Variants in BMPR1B observed in about 807,000 individuals in gnomAD.
The protein encoded by BMPR1B is bone morphogenetic protein receptor type 1B.
Under a neutral mutation model 59.1 loss-of-function variants are expected in BMPR1B, and 12 were observed. The observed-to-expected ratio is 0.20, with a 90% CI of 0.13 to 0.33. BMPR1B has a LOEUF of 0.33. Among genes scored for constraint, BMPR1B ranks in the 10% least tolerant of loss-of-function variants. The pLI, the probability that BMPR1B is intolerant of heterozygous loss-of-function variation, is 1.00. For synonymous variants in BMPR1B, 237 were observed against 207.3 expected, an observed-to-expected ratio of 1.14 and a Z score of -1.23; for missense variants, 550 against 610.9, an observed-to-expected ratio of 0.90 and a Z score of 1.05.
intron 1 of BMPR1B, among the ~76,000 whole-genome samples, chr4:94,814,367 ATT>A (rs1237573585): frequency 1.3e-5 from 2 of 152,228 alleles, no homozygotes; most frequent in South Asian, 2.1e-4. Flanking sequence ...TGACATAAAC[ATT>A]ATGCTTACTA....
intron 3 of BMPR1B, among the ~76,000 whole-genome samples, chr4:95,040,799 A>C (rs1162861958): frequency 6.6e-6 from 1 of 152,202 alleles, no homozygotes; most frequent in South Asian, 2.1e-4. Context: ...TCTTCTAGAA[A>C]GTTCTCTTGG....
At chr4:94,782,371 TC>T (rs1722623475) in intron 1 of BMPR1B, among the ~76,000 whole-genome samples, 1 of 151,808 alleles carries the variant, frequency 6.6e-6, no homozygotes, top group Admixed American at 6.6e-5. Context: ...AGTGGTGCAA[TC>T]TTGGCTCACT....
At chr4:94,966,833 G>C (rs1411874002) in intron 2 of BMPR1B, among the ~76,000 whole-genome samples, 3 of 152,048 alleles carry the variant, frequency 2.0e-5, no homozygotes, top group Admixed American at 6.6e-5. Context: ...TGAAATTGTT[G>C]ACAAGTGCTT....
intron 3 of BMPR1B, among the ~76,000 whole-genome samples, chr4:95,087,970 GATAA>G (rs1341666335): frequency 1.3e-5 from 2 of 152,014 alleles, no homozygotes; most frequent in Non-Finnish European, 2.9e-5. Flanking sequence ...CAATAACTTT[GATAA>G]ATAAGCCGAT....
intron 6 of BMPR1B, among the ~76,000 whole-genome samples, chr4:95,122,807 A>T (rs1290117779): frequency 6.6e-6 from 1 of 152,174 alleles, no homozygotes; most frequent in Non-Finnish European, 1.5e-5. Flanking sequence ...TTAAAGGTAT[A>T]TAGTACAGTT....
At chr4:94,956,692 A>C (rs1730153129) in intron 2 of BMPR1B, among the ~76,000 whole-genome samples, 3 of 152,220 alleles carry the variant, frequency 2.0e-5, no homozygotes, top group Admixed American at 6.5e-5. Flanking sequence ...TGCTCTTATC[A>C]TACTTTATAA....
At chr4:94,853,367 A>G (rs1725634890) in intron 1 of BMPR1B, among the ~76,000 whole-genome samples, 1 of 152,160 alleles carries the variant, frequency 6.6e-6, no homozygotes, top group Non-Finnish European at 1.5e-5. Context: ...ACTTAAGTGA[A>G]TTTTACTTTA....
intron 1 of BMPR1B, among the ~76,000 whole-genome samples, chr4:94,855,884 G>A (rs1319316): frequency 0.61 from 92,516 of 152,036 alleles, 29,020 homozygotes; most frequent in African/African-American, 0.76. Flanking sequence ...TTAAATCTCA[G>A]TAATTTATTG....
At chr4:94,915,560 A>G (rs916437162) in intron 2 of BMPR1B, among the ~76,000 whole-genome samples, 4 of 152,206 alleles carry the variant, frequency 2.6e-5, no homozygotes, top group African/African-American at 9.6e-5. Context: ...TCTTTTCTGT[A>G]ATAATACTTC....
intron 1 of BMPR1B, among the ~76,000 whole-genome samples, chr4:94,801,030 G>C (rs1461608933): frequency 6.6e-6 from 1 of 152,164 alleles, no homozygotes; most frequent in Admixed American, 6.5e-5. Flanking sequence ...AGCATGCTTA[G>C]GACAGAGGGT....
At chr4:94,860,651 G>GA (rs1158199164) in intron 1 of BMPR1B, among the ~76,000 whole-genome samples, 1 of 151,880 alleles carries the variant, frequency 6.6e-6, no homozygotes, top group Non-Finnish European at 1.5e-5. Context: ...TTTAGTTTTT[G>GA]TAGGAGTTTG....
intron 1 of BMPR1B, among the ~76,000 whole-genome samples, chr4:94,815,152 G>A (rs941976666): frequency 1.2e-4 from 19 of 152,088 alleles, no homozygotes; most frequent in Non-Finnish European, 5.9e-5. Context: ...TGATCCACCC[G>A]CCTCGGCCTC....
intron 2 of BMPR1B, among the ~76,000 whole-genome samples, chr4:94,917,813 A>G (rs1251723004): frequency 6.6e-6 from 1 of 152,128 alleles, no homozygotes; most frequent in African/African-American, 2.4e-5. Context: ...GGAATAATAC[A>G]GTTTGGATAT....
At chr4:94,925,247 A>T (rs576806974) in intron 2 of BMPR1B, among the ~76,000 whole-genome samples, 17 of 152,104 alleles carry the variant, frequency 1.1e-4, no homozygotes, top group Non-Finnish European at 2.4e-4. Flanking sequence ...CAGTTTCACA[A>T]TTTATGTTGA....
At chr4:94,926,028 C>T (rs1728872823) in intron 2 of BMPR1B, among the ~76,000 whole-genome samples, 2 of 134,396 alleles carry the variant, frequency 1.5e-5, no homozygotes, top group Middle Eastern at 3.6e-3. Context: ...CCCTTTTGTC[C>T]TTTCCTTCCC....
intron 2 of BMPR1B, among the ~76,000 whole-genome samples, chr4:94,995,406 A>G (rs921841203): frequency 7.2e-5 from 11 of 152,094 alleles, no homozygotes; most frequent in African/African-American, 2.7e-4. Context: ...GTGACCAATT[A>G]CTTAGTCACT....
At chr4:94,945,912 A>G (rs1325395527) in intron 2 of BMPR1B, among the ~76,000 whole-genome samples, 2 of 152,192 alleles carry the variant, frequency 1.3e-5, no homozygotes, top group Non-Finnish European at 2.9e-5. Context: ...AACAAACTAT[A>G]TACCTTCCAT....
chr4:94,833,512 C>A (rs1231829053), intron 1 of BMPR1B, among the ~76,000 whole-genome samples: 1 of 152,082 alleles, frequency 6.6e-6, no homozygotes, highest in Non-Finnish European at 1.5e-5. Flanking sequence ...GTTATTAGAT[C>A]TCAGTGTTCT....
chr4:94,807,139 T>C (rs1229106027), intron 1 of BMPR1B, among the ~76,000 whole-genome samples: 1 of 152,124 alleles, frequency 6.6e-6, no homozygotes, highest in East Asian at 1.9e-4. Context: ...CTGTCACTCA[T>C]GTTGGAGTGC....
Sources: gnomAD v4.1 joint callset for allele counts (sites outside exome capture counted in the v4.1 genomes callset) on GRCh38, gnomAD v4.1.1 for gene constraint, MANE v1.5 for transcripts, NCBI Gene and HGNC (gene_info 2026-07-23, HGNC 2026-07-21) for gene names.